Variants in LRRC4C observed in about 807,000 individuals in gnomAD.
The protein encoded by LRRC4C is leucine-rich repeat-containing protein 4C.
LRRC4C carries 5 observed loss-of-function variants against 33.6 expected under a neutral mutation model. That is an observed-to-expected ratio of 0.15 (90% CI 0.08 to 0.31). LRRC4C has a LOEUF of 0.31. LRRC4C is among the 10% of genes least tolerant of loss of function. The pLI is 1.00. For missense variants in LRRC4C, 560 were observed against 796.7 expected (o/e 0.70, Z 3.58); for synonymous variants, 329 against 302.0 (o/e 1.09, Z -0.93).
intron 1 of LRRC4C, among the ~76,000 whole-genome samples, chr11:41,159,735 G>T (rs1373073284): frequency 6.6e-6 from 1 of 152,074 alleles, no homozygotes; most frequent in Admixed American, 6.6e-5. Flanking sequence ...CCCTGGAAAA[G>T]AAAATATCCA....
At chr11:40,495,811 A>ATT (rs1565445743) in intron 3 of LRRC4C, among the ~76,000 whole-genome samples, 6 of 51,906 alleles carry the variant, frequency 1.2e-4, no homozygotes, top group Admixed American at 2.1e-4. Context: ...CTCAATAAAC[A>ATT]TGTTTTTTTT....
At chr11:40,180,701 T>C (rs1351767867) in intron 5 of LRRC4C, among the ~76,000 whole-genome samples, 1 of 152,208 alleles carries the variant, frequency 6.6e-6, no homozygotes, top group Non-Finnish European at 1.5e-5. Context: ...AGTGGACACT[T>C]GGCAGCAGTG....
At chr11:41,267,510 C>CTA (rs1949189480) in intron 1 of LRRC4C, among the ~76,000 whole-genome samples, 1 of 152,124 alleles carries the variant, frequency 6.6e-6, no homozygotes. Context: ...GGTTAAGTGG[C>CTA]TAGCACGATG....
chr11:40,298,260 A>G (rs1565246967), intron 4 of LRRC4C, among the ~76,000 whole-genome samples: 1 of 152,062 alleles, frequency 6.6e-6, no homozygotes, highest in Non-Finnish European at 1.5e-5. Context: ...TGCATAATAA[A>G]CCATTTGAAA....
chr11:40,716,582 G>T (rs1439503226), intron 2 of LRRC4C, among the ~76,000 whole-genome samples: 1 of 152,160 alleles, frequency 6.6e-6, no homozygotes, highest in East Asian at 1.9e-4. Flanking sequence ...TTACGACATT[G>T]CTCCCACTCT....
chr11:40,879,036 A>G (rs1955046590), intron 2 of LRRC4C, among the ~76,000 whole-genome samples: 1 of 152,118 alleles, frequency 6.6e-6, no homozygotes, highest in African/African-American at 2.4e-5. Flanking sequence ...CATGACGGAC[A>G]TCTTTAAAAA....
intron 1 of LRRC4C, among the ~76,000 whole-genome samples, chr11:40,984,375 GAAAGAA>G (rs1282815215): frequency 1.1e-4 from 8 of 72,442 alleles, no homozygotes; most frequent in Non-Finnish European, 2.6e-4. Context: ...AAGAAAGAAA[GAAAGAA>G]AGAAAGAAAG....
chr11:40,770,727 T>G (rs913176223), intron 2 of LRRC4C, among the ~76,000 whole-genome samples: 1 of 152,074 alleles, frequency 6.6e-6, no homozygotes, highest in African/African-American at 2.4e-5. Context: ...TTGGAGAAAT[T>G]GGAGAAAATA....
chr11:40,900,184 A>AT (rs1169935983), intron 2 of LRRC4C, among the ~76,000 whole-genome samples: 1 of 152,144 alleles, frequency 6.6e-6, no homozygotes, highest in African/African-American at 2.4e-5. Flanking sequence ...TGGATTCTCT[A>AT]CAAAATTATA....
intron 3 of LRRC4C, among the ~76,000 whole-genome samples, chr11:40,473,248 T>C (rs1378587682): frequency 1.3e-5 from 2 of 152,116 alleles, no homozygotes; most frequent in African/African-American, 2.4e-5. Flanking sequence ...AAAAAGCTTA[T>C]CCACTACGAT....
chr11:40,967,685 G>A (rs984488200), intron 1 of LRRC4C, among the ~76,000 whole-genome samples: 2 of 151,828 alleles, frequency 1.3e-5, no homozygotes, highest in Non-Finnish European at 2.9e-5. Context: ...ATATAAGACA[G>A]AAAACTTAAT....
intron 1 of LRRC4C, among the ~76,000 whole-genome samples, chr11:41,383,220 G>C (rs1235453774): frequency 6.6e-6 from 1 of 152,114 alleles, no homozygotes; most frequent in African/African-American, 2.4e-5. Flanking sequence ...GTGAATCAGA[G>C]TTAGGATAAT....
intron 1 of LRRC4C, among the ~76,000 whole-genome samples, chr11:40,945,493 G>C (rs1192401177): frequency 6.6e-6 from 1 of 152,006 alleles, no homozygotes; most frequent in Non-Finnish European, 1.5e-5. Context: ...TATAATGAGC[G>C]TTTGAACACA....
chr11:41,345,043 A>G (rs1275713660), intron 1 of LRRC4C, among the ~76,000 whole-genome samples: 1 of 152,172 alleles, frequency 6.6e-6, no homozygotes, highest in Non-Finnish European at 1.5e-5. Flanking sequence ...TATTCCTCTC[A>G]ACCCAGAAAT....
At chr11:41,177,100 A>G (rs1232615978) in intron 1 of LRRC4C, among the ~76,000 whole-genome samples, 2 of 152,196 alleles carry the variant, frequency 1.3e-5, no homozygotes, top group African/African-American at 2.4e-5. Flanking sequence ...GTGAGCTACC[A>G]TATCTTGAGG....
At chr11:41,341,915 T>C (rs529305888) in intron 1 of LRRC4C, among the ~76,000 whole-genome samples, 1 of 152,310 alleles carries the variant, frequency 6.6e-6, no homozygotes, top group East Asian at 1.9e-4. Flanking sequence ...CTTACCATAA[T>C]AAAAGGCATT....
At chr11:40,780,363 G>A (rs1950168017) in intron 2 of LRRC4C, among the ~76,000 whole-genome samples, 1 of 152,062 alleles carries the variant, frequency 6.6e-6, no homozygotes, top group Non-Finnish European at 1.5e-5. Context: ...AATATATATT[G>A]GTAAGTGGAT....
intron 1 of LRRC4C, among the ~76,000 whole-genome samples, chr11:41,455,640 T>C (rs1490711755): frequency 1.3e-5 from 2 of 152,188 alleles, no homozygotes; most frequent in Non-Finnish European, 2.9e-5. Context: ...GGAGGAATCA[T>C]TTTATGTCTT....
At chr11:40,527,341 T>C (rs948729785) in intron 3 of LRRC4C, among the ~76,000 whole-genome samples, 5 of 152,172 alleles carry the variant, frequency 3.3e-5, no homozygotes, top group Non-Finnish European at 7.4e-5. Flanking sequence ...AACAGTGCCT[T>C]AAAATGGTGA....
Sources: gnomAD v4.1 joint callset for allele counts (sites outside exome capture counted in the v4.1 genomes callset) on GRCh38, gnomAD v4.1.1 for gene constraint, MANE v1.5 for transcripts, NCBI Gene and HGNC (gene_info 2026-07-23, HGNC 2026-07-21) for gene names.